Variants in GALNTL6 observed in about 807,000 individuals in gnomAD.
GALNTL6 encodes the protein polypeptide N-acetylgalactosaminyltransferase-like 6.
Under a neutral mutation model 73.7 loss-of-function variants are expected in GALNTL6, and 46 were observed. That is an observed-to-expected ratio of 0.62 (90% CI 0.49 to 0.80). GALNTL6 has a LOEUF of 0.80. GALNTL6 is among the 30% of genes least tolerant of loss of function. GALNTL6 has a pLI of 0.00. For missense variants in GALNTL6, 604 were observed against 755.0 expected, an observed-to-expected ratio of 0.80 and a Z score of 2.34; for synonymous variants, 259 against 263.7, an observed-to-expected ratio of 0.98 and a Z score of 0.17.
At chr4:172,801,038 T>C (rs1740611005) in intron 5 of GALNTL6, among the ~76,000 whole-genome samples, 1 of 152,044 alleles carries the variant, frequency 6.6e-6, no homozygotes, top group African/African-American at 2.4e-5. Context: ...TAGGAAAAAA[T>C]ATATAATTGA....
chr4:172,732,577 G>A (rs1260252265), intron 5 of GALNTL6, among the ~76,000 whole-genome samples: 1 of 151,920 alleles, frequency 6.6e-6, no homozygotes, highest in African/African-American at 2.4e-5. Flanking sequence ...CTTGTTTTTT[G>A]GTGGTTTTGA....
intron 2 of GALNTL6, among the ~76,000 whole-genome samples, chr4:172,226,048 A>G (rs571173794): frequency 6.6e-6 from 1 of 152,306 alleles, no homozygotes; most frequent in East Asian, 1.9e-4. Flanking sequence ...TATTTTTTAC[A>G]TAAAATAATA....
intron 2 of GALNTL6, among the ~76,000 whole-genome samples, chr4:171,897,127 G>GA (rs1284498165): frequency 1.3e-5 from 2 of 151,736 alleles, no homozygotes; most frequent in African/African-American, 2.4e-5. Flanking sequence ...AGAGACAAAA[G>GA]AAAAAATCTA....
At chr4:172,977,989 G>A (rs540251460) in intron 10 of GALNTL6, among the ~76,000 whole-genome samples, 16 of 152,162 alleles carry the variant, frequency 1.1e-4, no homozygotes, top group East Asian at 7.7e-4. Flanking sequence ...ACAGGCACCC[G>A]CCACCACACC....
intron 5 of GALNTL6, among the ~76,000 whole-genome samples, chr4:172,774,708 C>A (rs1738973260): frequency 6.6e-6 from 1 of 151,994 alleles, no homozygotes; most frequent in Non-Finnish European, 1.5e-5. Context: ...ACCTGCAATC[C>A]CAGCATTTTG....
intron 5 of GALNTL6, among the ~76,000 whole-genome samples, chr4:172,579,973 C>T (rs113196263): frequency 5.9e-4 from 90 of 152,050 alleles, no homozygotes; most frequent in African/African-American, 2.0e-3. Flanking sequence ...AACTCAAATT[C>T]GTAGACATAT....
intron 2 of GALNTL6, among the ~76,000 whole-genome samples, chr4:171,837,625 T>C (rs1735128950): frequency 6.8e-6 from 1 of 147,180 alleles, no homozygotes; most frequent in East Asian, 1.9e-4. Flanking sequence ...ATATATAATG[T>C]ATATATTTAT....
intron 2 of GALNTL6, among the ~76,000 whole-genome samples, chr4:171,884,054 A>G (rs938210094): frequency 2.0e-5 from 3 of 152,182 alleles, no homozygotes; most frequent in African/African-American, 7.2e-5. Flanking sequence ...CTGTTATAGT[A>G]ACATATTTTA....
chr4:172,687,625 C>CAAAA (rs34724807), intron 5 of GALNTL6, among the ~76,000 whole-genome samples: 3 of 129,112 alleles, frequency 2.3e-5, no homozygotes, highest in Non-Finnish European at 3.1e-5. Flanking sequence ...AAGACTGTCT[C>CAAAA]AAAAAAAAAA....
intron 10 of GALNTL6, among the ~76,000 whole-genome samples, chr4:173,001,915 G>T (rs1430372661): frequency 2.0e-5 from 3 of 152,186 alleles, no homozygotes; most frequent in Non-Finnish European, 4.4e-5. Context: ...CATTGCTTGT[G>T]GGAATGTAAA....
At chr4:172,732,705 G>A (rs1322818244) in intron 5 of GALNTL6, among the ~76,000 whole-genome samples, 1 of 151,800 alleles carries the variant, frequency 6.6e-6, no homozygotes, top group Non-Finnish European at 1.5e-5. Flanking sequence ...ATAACTTTTT[G>A]TGCTGTGGTT....
At chr4:172,974,313 C>G (rs1270342863) in intron 10 of GALNTL6, among the ~76,000 whole-genome samples, 1 of 152,074 alleles carries the variant, frequency 6.6e-6, no homozygotes, top group Non-Finnish European at 1.5e-5. Context: ...TTCTGTCTAC[C>G]TCTCTTCCTC....
At chr4:172,401,869 A>G (rs1161581946) in intron 5 of GALNTL6, among the ~76,000 whole-genome samples, 3 of 145,912 alleles carry the variant, frequency 2.1e-5, no homozygotes, top group East Asian at 2.2e-4. Flanking sequence ...GTTTACCACT[A>G]GCATTGTGCC....
intron 5 of GALNTL6, among the ~76,000 whole-genome samples, chr4:172,552,837 TAAAAAAA>T (rs397933315): frequency 1.2e-5 from 1 of 80,410 alleles, no homozygotes; most frequent in Non-Finnish European, 2.1e-5. Flanking sequence ...GTAATTGCAG[TAAAAAAA>T]AAAAAAAAAA....
chr4:172,225,466 G>T (rs2110957736), intron 2 of GALNTL6, among the ~76,000 whole-genome samples: 1 of 151,288 alleles, frequency 6.6e-6, no homozygotes, highest in South Asian at 2.1e-4. Context: ...AATTCATACG[G>T]ATTAGAGGTT....
At chr4:172,843,734 C>A (rs1743342183) in intron 7 of GALNTL6, among the ~76,000 whole-genome samples, 1 of 152,114 alleles carries the variant, frequency 6.6e-6, no homozygotes, top group South Asian at 2.1e-4. Flanking sequence ...CTTGAAGTGA[C>A]CCCTCATGAC....
intron 5 of GALNTL6, among the ~76,000 whole-genome samples, chr4:172,800,628 TA>T (rs1457123072): frequency 2.0e-5 from 3 of 152,168 alleles, no homozygotes; most frequent in Non-Finnish European, 2.9e-5. Context: ...CTATATAGCC[TA>T]TTTTTTTTGC....
In GALNTL6 at chr4:172,158,975, C is replaced by CA. The variant is rs1734369877; in HGVS notation, c.139-70674dup. Among the ~76,000 whole-genome samples, 3 of 151,902 alleles carry CA rather than the reference C, an allele frequency of 2.0e-5. No homozygotes were observed. In the South Asian group the frequency reaches 6.2e-4, roughly 31 times the overall value. ...AACTATTCAAGTAGTTGTTTTAAAA[C>CA]AAAAAAAGATTCTTAAAACCCAATT... On this transcript the variant is annotated intron_variant, in intron 2 of 12. Coordinates refer to ENST00000506823, the MANE Select transcript of GALNTL6 (RefSeq NM_001034845.3).
rs75682011 is a variant in GALNTL6 at position 172,768,015 on chromosome 4, G to C, written c.554-41346G>C. ...CTGCAAAGAGGTATAAAGAAGGCTAGGTATTATTCTCACGTTGCACACATA... is the reference window on the plus strand; with the variant it reads ...CTGCAAAGAGGTATAAAGAAGGCTACGTATTATTCTCACGTTGCACACATA... On this transcript the variant is annotated intron_variant, in intron 5 of 12. Transcript: ENST00000506823. Among the ~76,000 whole-genome samples the C allele has an allele frequency of 6.9e-3, 1,057 of 152,096 alleles. 13 individuals carry two copies. Among genetic ancestry groups the C allele is most frequent in the African/African-American group, 0.02 (849 of 41,498 alleles).
Sources: gnomAD v4.1 joint callset for allele counts (sites outside exome capture counted in the v4.1 genomes callset) on GRCh38, gnomAD v4.1.1 for gene constraint, MANE v1.5 for transcripts, NCBI Gene and HGNC (gene_info 2026-07-23, HGNC 2026-07-21) for gene names.